XXYLT1: variants seen among roughly 807,000 people sequenced by gnomAD.
The protein encoded by XXYLT1 is UDP-xylose:alpha-xyloside alpha-1,3-xylosyltransferase.
A neutral mutation model predicts 28.9 loss-of-function variants in XXYLT1; 20 were observed. That is an observed-to-expected ratio of 0.69 (90% CI 0.49 to 1.00). The LOEUF (loss-of-function observed/expected upper bound fraction) is 1.00, where lower values mean the gene tolerates loss of function less well. Ranked by LOEUF, XXYLT1 falls within the 50% of genes least tolerant of loss-of-function variation. The pLI is 0.00. For missense variants in XXYLT1, 542 were observed against 560.1 expected, an observed-to-expected ratio of 0.97 and a Z score of 0.33; for synonymous variants, 257 against 253.8, an observed-to-expected ratio of 1.01 and a Z score of -0.12.
rs932629210 is a variant in XXYLT1, at chr3:195,124,262, A to C, written c.785+32187T>G. On this transcript the variant is annotated intron_variant, in intron 3 of 3. Coordinates refer to ENST00000310380, the MANE Select transcript of XXYLT1 (RefSeq NM_152531.5). This position sits in a 1 kb window ranked among gnomAD's most constrained non-coding sequence, Gnocchi z 4.1. ...GATCTCAGGTAGAGTCCCTCATACT[A>C]AACGGCAATGTTCTAGGTGCTTGTC... 2.0e-5 allele frequency among the ~76,000 whole-genome samples: 3 copies of C among 152,226 alleles called. No homozygotes were observed. Among genetic ancestry groups the C allele is most frequent in the African/African-American group, 7.2e-5 (3 of 41,460 alleles).
intron 2 of XXYLT1, among the ~76,000 whole-genome samples, chr3:195,185,087 AAGGAAGGAAGGAAGGAAGGAAGG>A (rs752083099): frequency 0.061 from 3,382 of 55,108 alleles, 58 homozygotes; most frequent in Middle Eastern, 0.18. Flanking sequence ...AAGAAGGAAG[AAGGAAGGAAGGAAGGAAGGAAGG>A]AAGGAAGGAA....
At chr3:195,108,764 T>C (rs1016124243) in intron 3 of XXYLT1, among the ~76,000 whole-genome samples, 2 of 152,212 alleles carry the variant, frequency 1.3e-5, no homozygotes, top group Non-Finnish European at 2.9e-5. Flanking sequence ...AGTAATAATA[T>C]GGTATTATAA....
rs75786016 is a variant in XXYLT1 at position 195,176,708 on chromosome 3, C to T, written c.653-20127G>A. 2.6e-3 allele frequency among the ~76,000 whole-genome samples: 399 copies of T among 152,336 alleles called. 4 individuals are homozygous for T. Among genetic ancestry groups the T allele is most frequent in the Admixed American group, 5.0e-3 (76 of 15,302 alleles). On this transcript the variant is annotated intron_variant, in intron 2 of 3. Coordinates refer to ENST00000310380, the MANE Select transcript of XXYLT1 (RefSeq NM_152531.5). This position sits in a 1 kb window ranked among gnomAD's most constrained non-coding sequence, Gnocchi z 4.9. The stretch of plus-strand genomic sequence containing the variant: ...CCACACCACAGCTGGCACTCCCTTA[C>T]GCTTACCTAAGGACTCTAAACATGC...
chr3:195,126,445 T>G (rs896250724), intron 3 of XXYLT1, among the ~76,000 whole-genome samples: 3 of 152,344 alleles, frequency 2.0e-5, no homozygotes, highest in Middle Eastern at 3.4e-3. Flanking sequence ...TGGGACTGTG[T>G]ACAACAGAGC....
At chr3:195,202,980 A>C (rs948505305) in intron 2 of XXYLT1, among the ~76,000 whole-genome samples, 1 of 152,130 alleles carries the variant, frequency 6.6e-6, no homozygotes, top group Non-Finnish European at 1.5e-5. Flanking sequence ...AAATTAAAAA[A>C]AGAAATTTTG....
chr3:195,166,235 T>C (rs976060301), intron 2 of XXYLT1, among the ~76,000 whole-genome samples: 1 of 152,154 alleles, frequency 6.6e-6, no homozygotes, highest in Admixed American at 6.5e-5. Flanking sequence ...CAGCACTAAT[T>C]AGTCTATTTC....
At position 195,247,304 on chromosome 3, in the gene XXYLT1, G is replaced by A. The variant is rs150408559; in HGVS notation, c.505-20448C>T. ...TATTCACCAAGCCGAGCGGTGGGAG[G>A]GCCGTGAAGGCTTCTTAGCCAGATT... On this transcript the variant is annotated intron_variant, in intron 1 of 3. Transcript: ENST00000310380. Among the ~76,000 whole-genome samples, 54 of 152,204 alleles carry A rather than the reference G, an allele frequency of 3.5e-4. 1 individual carries two copies. Among genetic ancestry groups the A allele is most frequent in the African/African-American group, 1.1e-3 (45 of 41,534 alleles).
chr3:195,144,789 C>A (rs1719745599), intron 3 of XXYLT1, among the ~76,000 whole-genome samples: 1 of 152,122 alleles, frequency 6.6e-6, no homozygotes, highest in African/African-American at 2.4e-5. Flanking sequence ...ATGCCTTTAA[C>A]CTTGGGCAGC....
chr3:195,097,167 G>A (rs1716494486), intron 3 of XXYLT1, among the ~76,000 whole-genome samples: 1 of 152,224 alleles, frequency 6.6e-6, no homozygotes, highest in Admixed American at 6.5e-5. Flanking sequence ...CCCTCAACCA[G>A]ACTGCTGGCA....
At chr3:195,211,347 C>T (rs180795911) in intron 2 of XXYLT1, among the ~76,000 whole-genome samples, 4 of 152,108 alleles carry the variant, frequency 2.6e-5, no homozygotes, top group African/African-American at 4.8e-5. Context: ...GAGCCAAGAT[C>T]GAGCCTCTGC....
At chr3:195,218,085 T>C (rs918207026) in intron 2 of XXYLT1, among the ~76,000 whole-genome samples, 4 of 149,254 alleles carry the variant, frequency 2.7e-5, no homozygotes, top group African/African-American at 1.0e-4. Context: ...ATTTAATAAA[T>C]GGTGCTGGGA....
intron 2 of XXYLT1, among the ~76,000 whole-genome samples, chr3:195,193,453 C>A (rs1389201515): frequency 6.6e-6 from 1 of 152,182 alleles, no homozygotes; most frequent in Non-Finnish European, 1.5e-5. Context: ...GAAGCCTCAA[C>A]ACCGTCAAGA....
chr3:195,134,880 C>T (rs1028078920), intron 3 of XXYLT1, among the ~76,000 whole-genome samples: 7 of 144,134 alleles, frequency 4.9e-5, no homozygotes, highest in African/African-American at 1.6e-4. Context: ...CGTGTGCGCG[C>T]GTGCGCGCAC....
chr3:195,071,128 AGAG>A lies in XXYLT1; in HGVS notation c.786-1020_786-1018del, dbSNP rs541454476. Reference sequence around the variant, plus strand: ...GAGAGGCGTCCAAGCCCACACCCACAGAGGAGGGGCCACAGCAATCGTGCCGGT... The same window carrying A: ...GAGAGGCGTCCAAGCCCACACCCACAGAGGGGCCACAGCAATCGTGCCGGT... On this transcript the variant is annotated intron_variant, in intron 3 of 3. Transcript: ENST00000310380. Among the ~76,000 whole-genome samples the A allele has an allele frequency of 8.7e-4, 133 of 152,318 alleles. 1 individual carries two copies. The highest frequency in any genetic ancestry group is 3.0e-3 in the African/African-American group (123 of 41,574).
At chr3:195,109,676 GT>G (rs1325378048) in intron 3 of XXYLT1, among the ~76,000 whole-genome samples, 1 of 99,220 alleles carries the variant, frequency 1.0e-5, no homozygotes, top group African/African-American at 3.9e-5. Flanking sequence ...TGGTGTGTGT[GT>G]TGTATGAGTG....
At chr3:195,206,612 T>C (rs186538495) in intron 2 of XXYLT1, among the ~76,000 whole-genome samples, 87 of 151,642 alleles carry the variant, frequency 5.7e-4, no homozygotes, top group Non-Finnish European at 1.1e-3. Flanking sequence ...CTACTAAAAA[T>C]ACAAAAATTA....
intron 2 of XXYLT1, among the ~76,000 whole-genome samples, chr3:195,160,809 G>A (rs1054372829): frequency 6.6e-6 from 1 of 152,202 alleles, no homozygotes; most frequent in Non-Finnish European, 1.5e-5. Context: ...GCCCCGCGAC[G>A]CACAGACCCA....
intron 3 of XXYLT1, among the ~76,000 whole-genome samples, chr3:195,101,579 T>A (rs529081265): frequency 2.0e-4 from 30 of 152,304 alleles, no homozygotes; most frequent in Admixed American, 9.8e-4. Flanking sequence ...CAGTTATACA[T>A]GTAGCTCTAA....
At chr3:195,214,672 C>A (rs1723481659) in intron 2 of XXYLT1, 1 of 152,184 alleles carries the variant, frequency 6.6e-6, no homozygotes, top group South Asian at 2.1e-4. Flanking sequence ...GCCCTGGAAT[C>A]TCCAATCCTT....
Sources: gnomAD v4.1 joint callset for allele counts (sites outside exome capture counted in the v4.1 genomes callset) on GRCh38, gnomAD v4.1.1 for gene constraint, Gnocchi (gnomAD v3.1) non-coding constraint, MANE v1.5 for transcripts, NCBI Gene and HGNC (gene_info 2026-07-23, HGNC 2026-07-21) for gene names.